Variants in MATCAP2 observed in about 807,000 individuals in gnomAD.
MATCAP2 encodes microtubule associated tyrosine carboxypeptidase 2, also known as putative tyrosine carboxypeptidase MATCAP2.
At chr7:36,324,524 C>A in the MATCAP2 span, 1 of 152,128 alleles carries the variant, frequency 6.6e-6, no homozygotes, top group Non-Finnish European at 1.5e-5. Context: ...TTAATACAAT[C>A]TTCAACTATT....
chr7:36,352,661 G>A, the MATCAP2 span, among the ~76,000 whole-genome samples: 10 of 151,506 alleles, frequency 6.6e-5, no homozygotes, highest in Non-Finnish European at 1.3e-4. Flanking sequence ...GTGAAATGTC[G>A]TCTTTACTAA....
the MATCAP2 span, chr7:36,336,226 A>G: frequency 6.5e-7 from 1 of 1,535,882 alleles, no homozygotes; most frequent in African/African-American, 1.4e-5. Flanking sequence ...AGAGCAAGCT[A>G]CCACCAGTGG....
chr7:36,324,968 C>G, the MATCAP2 span: 3 of 152,222 alleles, frequency 2.0e-5, no homozygotes, highest in African/African-American at 7.2e-5. Context: ...GTGCTATTCC[C>G]TGTGAAAGTT....
At chr7:36,366,901 C>T in the MATCAP2 span, 1 of 1,462,906 alleles carries the variant, frequency 6.8e-7, no homozygotes, top group South Asian at 1.4e-5. Flanking sequence ...GCGGCCAGCC[C>T]TTCCCGGCAC....
the MATCAP2 span, among the ~76,000 whole-genome samples, chr7:36,386,445 GTA>G: frequency 4.8e-3 from 663 of 137,942 alleles, 7 homozygotes; most frequent in Non-Finnish European, 7.5e-3. Context: ...GTGTATGTGT[GTA>G]TGTGTGTGTG....
the MATCAP2 span, among the ~76,000 whole-genome samples, chr7:36,370,434 C>T: frequency 6.6e-6 from 1 of 152,126 alleles, no homozygotes; most frequent in African/African-American, 2.4e-5. Context: ...ATTTCAAGAT[C>T]AAGTTAGGAA....
At chr7:36,357,187 A>G in the MATCAP2 span, 4 of 1,614,086 alleles carry the variant, frequency 2.5e-6, no homozygotes, top group African/African-American at 4.0e-5. Flanking sequence ...GTACTATGCC[A>G]TTCCCTGTAA....
At chr7:36,384,751 C>A in the MATCAP2 span, among the ~76,000 whole-genome samples, 125 of 151,760 alleles carry the variant, frequency 8.2e-4, 2 homozygotes, top group East Asian at 0.02. Flanking sequence ...GAGGAGCAGA[C>A]GTGCTAAATC....
At chr7:36,359,377 C>T in the MATCAP2 span, among the ~76,000 whole-genome samples, 2 of 152,264 alleles carry the variant, frequency 1.3e-5, no homozygotes, top group South Asian at 4.1e-4. Flanking sequence ...GGTAGAGAAA[C>T]TCTTATCTAA....
the MATCAP2 span, among the ~76,000 whole-genome samples, chr7:36,337,063 A>G: frequency 7.7e-6 from 1 of 129,460 alleles, no homozygotes; most frequent in African/African-American, 2.8e-5. Context: ...GCGCCATTGC[A>G]CTCCAGCCTG....
At chr7:36,373,353 C>T in the MATCAP2 span, among the ~76,000 whole-genome samples, 1 of 152,086 alleles carries the variant, frequency 6.6e-6, no homozygotes, top group Non-Finnish European at 1.5e-5. Context: ...CAGGAAAGGC[C>T]TCTGAGAAAG....
At chr7:36,340,100 GT>G in the MATCAP2 span, among the ~76,000 whole-genome samples, 1 of 152,218 alleles carries the variant, frequency 6.6e-6, no homozygotes, top group Non-Finnish European at 1.5e-5. Flanking sequence ...CTGGCCTCAA[GT>G]GATCTGCCTG....
chr7:36,353,481 CTT>C, the MATCAP2 span, among the ~76,000 whole-genome samples: 9 of 130,774 alleles, frequency 6.9e-5, no homozygotes, highest in African/African-American at 5.7e-5. Context: ...TGTTTATGCT[CTT>C]TTTTTTTTTT....
At chr7:36,383,844 C>T in the MATCAP2 span, 1 of 1,564,642 alleles carries the variant, frequency 6.4e-7, no homozygotes, top group Non-Finnish European at 8.8e-7. Flanking sequence ...AGAAGTGGCC[C>T]TTCAGCCAAA....
chr7:36,363,791 G>A, the MATCAP2 span, among the ~76,000 whole-genome samples: 1 of 152,142 alleles, frequency 6.6e-6, no homozygotes, highest in Non-Finnish European at 1.5e-5. Context: ...TAGTATTATT[G>A]TAAGGATTTT....
At chr7:36,328,773 C>A in the MATCAP2 span, among the ~76,000 whole-genome samples, 2 of 151,276 alleles carry the variant, frequency 1.3e-5, no homozygotes, top group African/African-American at 2.4e-5. Context: ...TAGCCGGGAG[C>A]GGTGGCTCAC....
At chr7:36,386,068 T>A in the MATCAP2 span, among the ~76,000 whole-genome samples, 1 of 151,672 alleles carries the variant, frequency 6.6e-6, no homozygotes, top group African/African-American at 2.4e-5. Flanking sequence ...GGCAGGAGAA[T>A]CGCTTGAACC....
chr7:36,348,225 A>G, the MATCAP2 span, among the ~76,000 whole-genome samples: 3 of 152,214 alleles, frequency 2.0e-5, no homozygotes, highest in Non-Finnish European at 4.4e-5. Flanking sequence ...GAGTTTTTCA[A>G]TGCTGGTCAT....
chr7:36,332,535 G>T, the MATCAP2 span, among the ~76,000 whole-genome samples: 16 of 152,132 alleles, frequency 1.1e-4, no homozygotes, highest in African/African-American at 3.9e-4. Flanking sequence ...GCTGTCATAC[G>T]ATTACAACAC....
Sources: allele counts gnomAD v4.1 joint callset (sites outside exome capture counted in the v4.1 genomes callset), GRCh38; gene constraint gnomAD v4.1.1; transcripts MANE v1.5; gene names NCBI Gene and HGNC (gene_info 2026-07-23, HGNC 2026-07-21).